Variants in ASCC3 observed in about 807,000 individuals in gnomAD.
The protein encoded by ASCC3 is ASC-1 complex subunit P200.
A neutral mutation model predicts 256.3 loss-of-function variants in ASCC3; 158 were observed. The observed-to-expected ratio is 0.62, with a 90% CI of 0.54 to 0.70. The LOEUF is 0.70. Among genes scored for constraint, ASCC3 ranks in the 30% least tolerant of loss-of-function variants. ASCC3 has a pLI of 0.00. For synonymous variants in ASCC3, 948 were observed against 883.4 expected, an observed-to-expected ratio of 1.07 and a Z score of -1.30; for missense variants, 2,259 against 2,626.0, an observed-to-expected ratio of 0.86 and a Z score of 3.05.
intron 3 of ASCC3, chr6:100,858,603 C>G: frequency 1.0e-6 from 1 of 986,700 alleles, no homozygotes; most frequent in Non-Finnish European, 1.2e-6. Flanking sequence ...AACAAATCAC[C>G]CTATCTTCTC....
At chr6:100,798,449 A>C (rs1183519829) in intron 8 of ASCC3, among the ~76,000 whole-genome samples, 1 of 152,094 alleles carries the variant, frequency 6.6e-6, no homozygotes, top group Non-Finnish European at 1.5e-5. Flanking sequence ...ATCAGTTTGC[A>C]TAAGTTAAAC....
Position 100,601,892 on chromosome 6 carries a change from C to T in ASCC3, c.5221G>A (p.Gly1741Ser). The stretch of plus-strand genomic sequence containing the variant: ...TCTTGCTTAGATGTAATTGTACCAC[C>T]AGCAATCTCTGCATTTAAGTGGTCA... ...LSDHLNAEIA[G>S]GTITSKQDAL... The change falls in exon 34 of 42, where the codon GGT (glycine) becomes AGT (serine). Residue 1741 changes from glycine (G) to serine (S), a missense_variant. Physicochemically the swap from Gly to Ser is moderately conservative, Grantham distance 56 (BLOSUM62 0). Transcript: ENST00000369162. 1 of 1,612,498 alleles carries T rather than the reference C, an allele frequency of 6.2e-7. No individual in the cohort carries two copies. Among genetic ancestry groups the T allele is most frequent in the Non-Finnish European group, 8.5e-7 (1 of 1,178,874 alleles).
At chr6:100,737,499 A>T (rs1780235359) in intron 10 of ASCC3, among the ~76,000 whole-genome samples, 1 of 152,014 alleles carries the variant, frequency 6.6e-6, no homozygotes, top group Admixed American at 6.6e-5. Flanking sequence ...CTGTTCCTGC[A>T]TTAGGTCACT....
At chr6:100,555,461 T>C (rs962126766) in intron 36 of ASCC3, among the ~76,000 whole-genome samples, 2 of 152,154 alleles carry the variant, frequency 1.3e-5, no homozygotes, top group African/African-American at 4.8e-5. Context: ...GAAGAAATGA[T>C]ACTTCATTTT....
chr6:100,723,882 A>AT (rs1462052611), intron 11 of ASCC3, among the ~76,000 whole-genome samples: 15 of 138,894 alleles, frequency 1.1e-4, no homozygotes, highest in African/African-American at 3.4e-4. Flanking sequence ...ATATATATAT[A>AT]TATATATATA....
chr6:100,646,926 T>C (rs1775410396), intron 21 of ASCC3, among the ~76,000 whole-genome samples, 157 bp from the exon 22 acceptor site: 1 of 152,180 alleles, frequency 6.6e-6, no homozygotes, highest in Non-Finnish European at 1.5e-5. Flanking sequence ...TGTTTGAATA[T>C]TTTGTAATAG....
chr6:100,804,258 AG>A (rs1770058570), intron 5 of ASCC3, among the ~76,000 whole-genome samples: 1 of 152,144 alleles, frequency 6.6e-6, no homozygotes. Context: ...TAACGGGTCT[AG>A]GAAGAGCAAA....
chr6:100,544,117 C>T (rs934218667), intron 36 of ASCC3, among the ~76,000 whole-genome samples: 1 of 151,974 alleles, frequency 6.6e-6, no homozygotes. Flanking sequence ...GTATTTTGCA[C>T]TGAATGAAAA....
chr6:100,833,699 AT>A (rs774616889), intron 4 of ASCC3, among the ~76,000 whole-genome samples: 5 of 152,238 alleles, frequency 3.3e-5, no homozygotes, highest in African/African-American at 7.2e-5. Context: ...GAAAATGATT[AT>A]TCCCTTAATG....
At chr6:100,593,528 T>C (rs1772114720) in intron 34 of ASCC3, among the ~76,000 whole-genome samples, 1 of 152,164 alleles carries the variant, frequency 6.6e-6, no homozygotes, top group Non-Finnish European at 1.5e-5. Flanking sequence ...AGGTTTTATA[T>C]TAATGTAAAA....
intron 8 of ASCC3, among the ~76,000 whole-genome samples, chr6:100,781,867 T>C (rs1317038717): frequency 6.6e-6 from 1 of 152,012 alleles, no homozygotes; most frequent in Non-Finnish European, 1.5e-5. Flanking sequence ...TAACATTCTA[T>C]CTTTTCTACT....
At chr6:100,739,296 G>A (rs986583770) in intron 10 of ASCC3, among the ~76,000 whole-genome samples, 3 of 152,182 alleles carry the variant, frequency 2.0e-5, no homozygotes, top group African/African-American at 7.2e-5. Flanking sequence ...AAGCCAGCTT[G>A]ATCATAATCA....
chr6:100,662,563 T>C (rs372166300), intron 14 of ASCC3, 27 bp from the exon 15 acceptor site: 414 of 1,604,958 alleles, frequency 2.6e-4, no homozygotes, highest in Admixed American at 5.0e-4. Flanking sequence ...CGTAAGAGTA[T>C]TATTTAGCAT....
At chr6:100,762,557 C>T (rs1319182044) in intron 10 of ASCC3, among the ~76,000 whole-genome samples, 1 of 152,118 alleles carries the variant, frequency 6.6e-6, no homozygotes, top group Admixed American at 6.6e-5. Context: ...TTCAAAGTTG[C>T]ACAAAATTGC....
chr6:100,593,459 T>C (rs1321617055), intron 34 of ASCC3, among the ~76,000 whole-genome samples: 1 of 152,070 alleles, frequency 6.6e-6, no homozygotes, highest in East Asian at 1.9e-4. Flanking sequence ...ACATATGAAA[T>C]CTCAAGTTAC....
chr6:100,511,113 T>G (rs1429695828), intron 40 of ASCC3, among the ~76,000 whole-genome samples: 1 of 152,218 alleles, frequency 6.6e-6, no homozygotes, highest in East Asian at 1.9e-4. Flanking sequence ...TATTACTTTT[T>G]TTTATAAGTT....
chr6:100,828,457 T>G (rs1001520940), intron 4 of ASCC3, among the ~76,000 whole-genome samples: 1 of 152,090 alleles, frequency 6.6e-6, no homozygotes, highest in Non-Finnish European at 1.5e-5. Flanking sequence ...CCGGAATTGG[T>G]GGGTTCTTGG....
chr6:100,871,691 G>A (rs546520627), intron 1 of ASCC3, among the ~76,000 whole-genome samples: 26 of 152,212 alleles, frequency 1.7e-4, no homozygotes, highest in African/African-American at 5.3e-4. Context: ...GCTTGAGCCC[G>A]GAAGGTCAAG....
At chr6:100,829,503 C>G (rs932493797) in intron 4 of ASCC3, among the ~76,000 whole-genome samples, 2 of 152,158 alleles carry the variant, frequency 1.3e-5, no homozygotes, top group Admixed American at 1.3e-4. Context: ...ACCGAGCCCA[C>G]GCTCACATGG....
Sources: allele counts gnomAD v4.1 joint callset (sites outside exome capture counted in the v4.1 genomes callset), GRCh38; gene constraint gnomAD v4.1.1; transcripts MANE v1.5; gene names NCBI Gene and HGNC (gene_info 2026-07-23, HGNC 2026-07-21).